The following SNX25 variants were observed in gnomAD, a reference collection of about 807,000 sequenced individuals.
SNX25 encodes sorting nexin-25.
Under a neutral mutation model 113.7 loss-of-function variants are expected in SNX25, and 62 were observed. The ratio of observed to expected loss-of-function variants is 0.55; its 90% CI spans 0.44 to 0.67. SNX25 has a LOEUF of 0.67. SNX25 is among the 30% of genes least tolerant of loss of function. The probability of loss-of-function intolerance (pLI) is 0.00; values close to 1 mark genes in which losing one functional copy is unlikely to be tolerated. For synonymous variants in SNX25, 421 were observed against 436.2 expected (o/e 0.97, Z 0.43); for missense variants, 1,014 against 1,161.0 (o/e 0.87, Z 1.84).
At chr4:185,351,374 C>T in intron 13 of SNX25, 71 bp from the exon 14 acceptor site, 1 of 1,521,886 alleles carries the variant, frequency 6.6e-7, no homozygotes, top group South Asian at 1.2e-5. Context: ...GCCTCGCTCA[C>T]CTTTACTTGT....
At chr4:185,213,626 C>G (rs750814884) in intron 1 of SNX25, among the ~76,000 whole-genome samples, 3 of 152,138 alleles carry the variant, frequency 2.0e-5, no homozygotes, top group Non-Finnish European at 4.4e-5. Flanking sequence ...GTCTTTCTAT[C>G]TTCTGCCAGG....
At chr4:185,373,217 C>A, downstream of SNX25, 1 of 762,796 alleles carries the variant, frequency 1.3e-6, no homozygotes, top group South Asian at 1.9e-5. Context: ...GGCCTTTGGA[C>A]GCATTTCACA....
At chr4:185,242,934 A>C (rs1391628096) in intron 1 of SNX25, among the ~76,000 whole-genome samples, 1 of 152,124 alleles carries the variant, frequency 6.6e-6, no homozygotes, top group Non-Finnish European at 1.5e-5. Flanking sequence ...TTTTTGGCCC[A>C]TGAGGTGTTT....
intron 6 of SNX25, among the ~76,000 whole-genome samples, chr4:185,304,419 C>T (rs1304911421): frequency 2.6e-5 from 4 of 152,078 alleles, no homozygotes; most frequent in East Asian, 1.9e-4. Flanking sequence ...AGTGAAATGG[C>T]GCATCTCGGC....
chr4:185,247,477 C>A, intron 2 of SNX25, 99 bp downstream of exon 2: 1 of 918,796 alleles, frequency 1.1e-6, no homozygotes, highest in Non-Finnish European at 1.7e-6. Context: ...TTCTTGTCTG[C>A]ATGTAGTGTT....
At chr4:185,370,710 T>C, downstream of SNX25, 1 of 1,614,088 alleles carries the variant, frequency 6.2e-7, no homozygotes. Context: ...ACACCTTGCG[T>C]GGTAGAAGGA....
chr4:185,319,527 T>A (rs918152262), intron 7 of SNX25, among the ~76,000 whole-genome samples: 18 of 151,532 alleles, frequency 1.2e-4, no homozygotes, highest in East Asian at 1.9e-4. Flanking sequence ...TTTTTTTTTT[T>A]ATCACTTTTC....
chr4:185,342,135 G>A lies in SNX25; in HGVS notation c.2187+19G>A, dbSNP rs754338203. The A allele has an allele frequency of 9.1e-5, 139 of 1,534,530 alleles. No homozygotes were observed. In the South Asian group the frequency reaches 1.7e-3, roughly 19 times the overall value. On this transcript the variant is annotated intron_variant, in intron 12 of 18. Coordinates refer to ENST00000652585, the MANE Select transcript of SNX25 (RefSeq NM_001378034.2). ...CAGTGAGGTATGAATACTCATGAACGCAGTATTCTAGAATTACTGCACAAG... is the reference window on the plus strand; with the variant it reads ...CAGTGAGGTATGAATACTCATGAACACAGTATTCTAGAATTACTGCACAAG...
intron 1 of SNX25, among the ~76,000 whole-genome samples, chr4:185,222,156 C>T (rs933354117): frequency 6.0e-5 from 9 of 148,820 alleles, no homozygotes; most frequent in African/African-American, 1.7e-4. Context: ...TGTAGGTATA[C>T]AGCACCATAT....
intron 6 of SNX25, among the ~76,000 whole-genome samples, chr4:185,302,939 C>T (rs1347715208): frequency 6.6e-6 from 1 of 152,222 alleles, no homozygotes; most frequent in Non-Finnish European, 1.5e-5. Context: ...CGGGCACTTC[C>T]ATTGCACTCA....
chr4:185,279,737 T>G (rs1037733963), intron 5 of SNX25, among the ~76,000 whole-genome samples: 2 of 152,218 alleles, frequency 1.3e-5, no homozygotes, highest in Admixed American at 6.5e-5. Flanking sequence ...GGGAGGAGTA[T>G]AAATTATTAC....
chr4:185,347,671 G>A (rs145145711), intron 13 of SNX25, among the ~76,000 whole-genome samples: 2,842 of 151,968 alleles, frequency 0.019, 93 homozygotes, highest in African/African-American at 0.065. Context: ...GGGTTTCTCC[G>A]TGTTGGTCAG....
rs181220593 is a variant in SNX25 at position 185,271,370 on chromosome 4, C to T, written c.1091+4215C>T. Among the ~76,000 whole-genome samples the T allele has an allele frequency of 5.1e-3, 781 of 152,292 alleles. 3 individuals are homozygous for T. The highest frequency in any genetic ancestry group is 6.8e-3 in the Middle Eastern group (2 of 294). On this transcript the variant is annotated intron_variant, in intron 5 of 18. Coordinates refer to ENST00000652585, the MANE Select transcript of SNX25 (RefSeq NM_001378034.2). ...CTCAGCTCACTGCAACCTCTGCCTC[C>T]GGGTTTAAGCGATCCTCCCACCTCA...
intron 5 of SNX25, among the ~76,000 whole-genome samples, chr4:185,268,808 CATA>C (rs1428796660): frequency 1.3e-5 from 2 of 152,176 alleles, no homozygotes; most frequent in African/African-American, 4.8e-5. Context: ...GTCACAAATA[CATA>C]ATGACAGCTT....
At chr4:185,240,399 A>AC (rs1234619333) in intron 1 of SNX25, among the ~76,000 whole-genome samples, 33 of 146,714 alleles carry the variant, frequency 2.2e-4, no homozygotes, top group East Asian at 6.2e-4. Flanking sequence ...CGGGGGGCTG[A>AC]CCCCCCCACC....
chr4:185,375,693 C>T, the SNX25 span: 1 of 1,611,500 alleles, frequency 6.2e-7, no homozygotes, highest in Non-Finnish European at 8.5e-7. Flanking sequence ...TCCTTGATTT[C>T]TTCAAACTGT....
At chr4:185,272,201 G>C (rs562527879) in intron 5 of SNX25, among the ~76,000 whole-genome samples, 51 of 152,320 alleles carry the variant, frequency 3.3e-4, no homozygotes, top group African/African-American at 1.1e-3. Context: ...TTAAAGGGCA[G>C]CTGGATGGGT....
chr4:185,329,460 G>A (rs1374596905), intron 9 of SNX25, among the ~76,000 whole-genome samples: 3 of 152,098 alleles, frequency 2.0e-5, no homozygotes, highest in Non-Finnish European at 4.4e-5. Context: ...TAAAGAGGAC[G>A]GTTAAGCTAA....
At chr4:185,319,556 A>G (rs2095104095) in intron 7 of SNX25, among the ~76,000 whole-genome samples, 1 of 150,016 alleles carries the variant, frequency 6.7e-6, no homozygotes, top group Admixed American at 6.7e-5. Flanking sequence ...ATATTGAAGC[A>G]CTCAAAGTCA....
Sources: gnomAD v4.1 joint callset for allele counts (sites outside exome capture counted in the v4.1 genomes callset) on GRCh38, gnomAD v4.1.1 for gene constraint, MANE v1.5 for transcripts, NCBI Gene and HGNC (gene_info 2026-07-23, HGNC 2026-07-21) for gene names.